The following STX7 variants were observed in gnomAD, a reference collection of about 807,000 sequenced individuals.
STX7 encodes syntaxin 7, also known as syntaxin-7.
STX7 carries 34 observed loss-of-function variants against 39.6 expected under a neutral mutation model. The observed-to-expected ratio is 0.86, with a 90% CI of 0.65 to 1.14. The LOEUF (loss-of-function observed/expected upper bound fraction) is 1.14. Among genes scored for constraint, STX7 ranks in the 50% most tolerant of loss-of-function variants. The pLI is 0.00. For missense variants in STX7, 284 were observed against 310.4 expected, an observed-to-expected ratio of 0.92 and a Z score of 0.64; for synonymous variants, 119 against 99.1, an observed-to-expected ratio of 1.20 and a Z score of -1.19.
intron 2 of STX7, among the ~76,000 whole-genome samples, chr6:132,490,573 TA>T (rs1775254516): frequency 6.6e-6 from 1 of 152,120 alleles, no homozygotes; most frequent in African/African-American, 2.4e-5. Flanking sequence ...CAAAAACGTG[TA>T]CATACGGCCA....
rs1459709466 is a variant in STX7, at chr6:132,468,425, A to C, written c.588T>G (p.Ile196Met). ...TACCTATTACATCTCCTTGTTCATG[A>C]ATCATCATTCCCAAATCTTTAAATA... ...NEIFKDLGMM[I>M]HEQGDVIDSI... The change falls in exon 8 of 10, where the codon ATT becomes ATG. Residue 196 changes from isoleucine (I) to methionine (M), a missense_variant. Coordinates refer to ENST00000367941, the MANE Select transcript of STX7 (RefSeq NM_003569.3). 1 of 1,609,122 alleles carries C rather than the reference A, an allele frequency of 6.2e-7. No homozygotes were observed.
chr6:132,500,448 G>A (rs531490441), intron 2 of STX7, among the ~76,000 whole-genome samples: 1 of 152,078 alleles, frequency 6.6e-6, no homozygotes, highest in South Asian at 2.1e-4. Flanking sequence ...TATTCCTTCT[G>A]TCTGAAATGC....
In STX7 at chr6:132,447,048, C is replaced by T. The variant is rs925762699; in HGVS notation, c.*13710G>A. The T allele has an allele frequency of 4.6e-5, 7 of 152,038 alleles. No homozygotes were observed. Among genetic ancestry groups the T allele is most frequent in the Non-Finnish European group, 8.8e-5 (6 of 67,988 alleles). 9.4% of individuals were successfully genotyped at this position (152,038 alleles called of 1,614,324 possible). On this transcript the variant is annotated 3_prime_UTR_variant, in exon 10 of 10. Transcript: ENST00000367941. ...GACTTCTATTTTTATGATGGCTCAG[C>T]GGAAAATTAGTAAATACAACCAGTG... is the stretch of plus-strand genomic sequence containing the variant.
In STX7 at chr6:132,481,189, G is replaced by A. The variant is rs373883186; in HGVS notation, c.86-5527C>T. Among the ~76,000 whole-genome samples, 34 of 152,186 alleles carry A rather than the reference G, an allele frequency of 2.2e-4. 1 individual carries two copies. The South Asian group carries it at 2.3e-3, about 10-fold the overall frequency. On this transcript the variant is annotated intron_variant, in intron 2 of 9. Transcript: ENST00000367941. The stretch of plus-strand genomic sequence containing the variant: ...AAGCTTAGGTATGAAAAAAGGAGGC[G>A]TGTTCACTGTAGAAAACAAAAGGGA...
chr6:132,468,293 G>T, intron 8 of STX7, 110 bp downstream of exon 8: 1 of 825,912 alleles, frequency 1.2e-6, no homozygotes, highest in East Asian at 2.6e-5. Flanking sequence ...TTTGGTTCCA[G>T]GGAAACCAAA....
intron 1 of STX7, among the ~76,000 whole-genome samples, chr6:132,507,653 T>C (rs1031445712): frequency 1.0e-4 from 13 of 128,540 alleles, no homozygotes; most frequent in Non-Finnish European, 2.1e-4. Context: ...TCCTTCATTA[T>C]TGCCAAATAA....
chr6:132,462,915 A>G (rs1774447625), intron 9 of STX7, among the ~76,000 whole-genome samples: 1 of 152,182 alleles, frequency 6.6e-6, no homozygotes, highest in African/African-American at 2.4e-5. Context: ...ACAATATCTT[A>G]GATATTTTAT....
intron 9 of STX7, chr6:132,461,893 T>G: frequency 6.6e-7 from 1 of 1,520,964 alleles, no homozygotes; most frequent in Non-Finnish European, 8.9e-7. Context: ...AAATTTACTT[T>G]GTGTCAAGTA....
rs1054130934 is a variant in STX7, at chr6:132,454,496, C to T, written c.*6262G>A. The T allele has an allele frequency of 6.6e-6, 1 of 152,116 alleles. No homozygotes were observed. Among genetic ancestry groups the T allele is most frequent in the Non-Finnish European group, 1.5e-5 (1 of 67,994 alleles). The allele number at this position is 152,116 out of a possible 1,614,324, so 9.4% of individuals were successfully genotyped here. On this transcript the variant is annotated 3_prime_UTR_variant, in exon 10 of 10. Coordinates refer to ENST00000367941, the MANE Select transcript of STX7 (RefSeq NM_003569.3). ...GAGGTCTCTGTATTATTTCTTACAA[C>T]AGCATGTGAATCTAGTTTCTCAAAA...
chr6:132,480,464 A>C (rs1267160788), intron 2 of STX7, among the ~76,000 whole-genome samples: 1 of 152,198 alleles, frequency 6.6e-6, no homozygotes, highest in Non-Finnish European at 1.5e-5. Context: ...CCATTTGTAC[A>C]ATTTTTTCCA....
At chr6:132,471,264 C>CA (rs1249705626) in intron 5 of STX7, among the ~76,000 whole-genome samples, 199 bp downstream of exon 5, 2 of 152,070 alleles carry the variant, frequency 1.3e-5, no homozygotes, top group African/African-American at 2.4e-5. Flanking sequence ...TACTATGACA[C>CA]AAAAAATCAC....
At chr6:132,461,284 T>C (rs755789939) in intron 9 of STX7, among the ~76,000 whole-genome samples, 1 of 152,044 alleles carries the variant, frequency 6.6e-6, no homozygotes, top group African/African-American at 2.4e-5. Context: ...AAGTACAAAT[T>C]GGCAACTTTT....
intron 1 of STX7, among the ~76,000 whole-genome samples, chr6:132,510,444 T>G (rs1346878006): frequency 1.8e-4 from 28 of 152,256 alleles, no homozygotes; most frequent in Non-Finnish European, 1.5e-5. Context: ...CTGATTGCAG[T>G]AAGAAACTAC....
At chr6:132,465,333 ATTT>A (rs1774536934) in intron 8 of STX7, among the ~76,000 whole-genome samples, 1 of 150,240 alleles carries the variant, frequency 6.7e-6, no homozygotes, top group Admixed American at 6.7e-5. Flanking sequence ...GGCTCCAACA[ATTT>A]TCAACTTTCA....
chr6:132,468,843 T>C (rs551598905), intron 7 of STX7, among the ~76,000 whole-genome samples: 1 of 152,356 alleles, frequency 6.6e-6, no homozygotes, highest in East Asian at 1.9e-4. Context: ...GGGTATAAAA[T>C]ATTCTTAGCA....
At chr6:132,500,945 T>C (rs1218931022) in intron 2 of STX7, among the ~76,000 whole-genome samples, 1 of 152,206 alleles carries the variant, frequency 6.6e-6, no homozygotes, top group African/African-American at 2.4e-5. Context: ...GTAGCTTCCG[T>C]ACATTTGTGG....
intron 8 of STX7, among the ~76,000 whole-genome samples, chr6:132,466,212 T>C (rs1774560561): frequency 6.6e-6 from 1 of 152,226 alleles, no homozygotes; most frequent in Non-Finnish European, 1.5e-5. Flanking sequence ...AGTCAAATCT[T>C]AATCCTCATT....
chr6:132,475,818 T>C (rs1049694686), intron 2 of STX7, among the ~76,000 whole-genome samples, 156 bp from the exon 3 acceptor site: 3 of 151,920 alleles, frequency 2.0e-5, no homozygotes, highest in Admixed American at 1.3e-4. Context: ...AATAACTAAA[T>C]GGTTTACTTA....
At chr6:132,490,239 G>A (rs983711987) in intron 2 of STX7, among the ~76,000 whole-genome samples, 17 of 152,106 alleles carry the variant, frequency 1.1e-4, no homozygotes, top group Non-Finnish European at 2.2e-4. Context: ...TCATCCACTC[G>A]AGGGCCCAAT....
Sources: allele counts gnomAD v4.1 joint callset (sites outside exome capture counted in the v4.1 genomes callset), GRCh38; gene constraint gnomAD v4.1.1; transcripts MANE v1.5; gene names NCBI Gene and HGNC (gene_info 2026-07-23, HGNC 2026-07-21).